Variants in TMEM45B observed in about 807,000 individuals in gnomAD.
The protein encoded by TMEM45B is transmembrane protein 45B.
A neutral mutation model predicts 27.3 loss-of-function variants in TMEM45B; 29 were observed. The ratio of observed to expected loss-of-function variants is 1.06; its 90% CI spans 0.79 to 1.45. TMEM45B has a LOEUF of 1.45. TMEM45B is among the 40% of genes most tolerant of loss of function. The probability of loss-of-function intolerance (pLI) is 0.00; values close to 1 mark genes in which losing one functional copy is unlikely to be tolerated. For missense variants in TMEM45B, 348 were observed against 343.9 expected, an observed-to-expected ratio of 1.01 and a Z score of -0.09; for synonymous variants, 143 against 134.7, an observed-to-expected ratio of 1.06 and a Z score of -0.43.
At chr11:129,838,357 T>C (rs1446516689) in intron 1 of TMEM45B, among the ~76,000 whole-genome samples, 1 of 152,172 alleles carries the variant, frequency 6.6e-6, no homozygotes, top group Non-Finnish European at 1.5e-5. Context: ...CAGTCCCCGT[T>C]GTGAGCCACT....
chr11:129,854,536 T>G, intron 2 of TMEM45B, 74 bp from the exon 3 acceptor site: 5 of 1,487,334 alleles, frequency 3.4e-6, no homozygotes, highest in Admixed American at 3.8e-5. Context: ...GCTCATGCCT[T>G]TGGGTTATTC....
At chr11:129,838,786 G>A (rs1947655542) in intron 1 of TMEM45B, among the ~76,000 whole-genome samples, 1 of 152,126 alleles carries the variant, frequency 6.6e-6, no homozygotes. Context: ...CCAAGCCTAG[G>A]CACTTGAGGA....
chr11:129,831,935 G>T (rs1251074800), intron 1 of TMEM45B, among the ~76,000 whole-genome samples: 1 of 151,904 alleles, frequency 6.6e-6, no homozygotes, highest in Non-Finnish European at 1.5e-5. Flanking sequence ...GCATACTGGC[G>T]GATGCCTGTA....
intron 1 of TMEM45B, among the ~76,000 whole-genome samples, chr11:129,819,526 T>G (rs1249733407): frequency 1.3e-5 from 2 of 152,084 alleles, no homozygotes; most frequent in Non-Finnish European, 2.9e-5. Context: ...TTGTCTTTTC[T>G]TTTCTTTTCT....
At position 129,818,333 on chromosome 11, in the gene TMEM45B, A is replaced by G. The variant is rs540272214; in HGVS notation, c.-9+2435A>G. Among the ~76,000 whole-genome samples the G allele has an allele frequency of 2.0e-5, 3 of 152,370 alleles. No homozygotes were observed. In the East Asian group the frequency reaches 5.8e-4, roughly 29 times the overall value. ...GCCTTCTGTATGTGATGCAGAGTTCAACTGAATATAGCAAGGTACACACCC... is the reference window on the plus strand; with the variant it reads ...GCCTTCTGTATGTGATGCAGAGTTCGACTGAATATAGCAAGGTACACACCC... On this transcript the variant is annotated intron_variant, in intron 1 of 5. Transcript: ENST00000281441.
chr11:129,857,434 C>T lies in TMEM45B; in HGVS notation c.692C>T (p.Ala231Val). 1.9e-6 allele frequency: 3 copies of T among 1,614,152 alleles called. No homozygotes were observed. The highest frequency in any genetic ancestry group is 1.1e-5 in the South Asian group (1 of 91,088). ...TACCTGGCTGCCCTCAGCATTGTGG[C>T]CGTCAACTATTCTCTTGTTTACTGG... ...WHYLAALSIV[A>V]VNYSLVYCLL... The change falls in exon 5 of 6, where the codon GCC becomes GTC. Residue 231 changes from alanine (A) to valine (V), a missense_variant. Physicochemically the swap from Ala to Val is moderately conservative, Grantham distance 64. Transcript: ENST00000281441.
chr11:129,837,585 C>CTTTTTTGTTTTTTTTT (rs1947637207), intron 1 of TMEM45B, among the ~76,000 whole-genome samples: 1 of 80,294 alleles, frequency 1.2e-5, no homozygotes, highest in African/African-American at 4.3e-5. Context: ...CTGCACTGGG[C>CTTTTTTGTTTTTTTTT]TTTTTTTTTT....
In TMEM45B at chr11:129,858,816, G is replaced by A; in HGVS notation, c.*131G>A. On this transcript the variant is annotated 3_prime_UTR_variant, in exon 6 of 6. Coordinates refer to ENST00000281441, the MANE Select transcript of TMEM45B (RefSeq NM_138788.5). Reference sequence around the variant, plus strand: ...TTTGCACCTCCTCATTCAACACAGGGCTGGAGGTTCTACAACAGGAAATCA... The same window carrying A: ...TTTGCACCTCCTCATTCAACACAGGACTGGAGGTTCTACAACAGGAAATCA... The A allele has an allele frequency of 1.6e-6, 1 of 606,198 alleles. No individual in the cohort carries two copies. The highest frequency in any genetic ancestry group is 2.1e-5 in the South Asian group (1 of 46,956). The allele number at this position is 606,198 out of a possible 1,614,324, so 37.6% of individuals were successfully genotyped here.
intron 1 of TMEM45B, among the ~76,000 whole-genome samples, chr11:129,823,677 A>G (rs1027811872): frequency 1.3e-5 from 2 of 152,166 alleles, no homozygotes; most frequent in South Asian, 2.1e-4. Context: ...ATCTGATGGT[A>G]TGGAATAGCT....
intron 1 of TMEM45B, among the ~76,000 whole-genome samples, chr11:129,817,067 G>A (rs1038319054): frequency 2.0e-5 from 3 of 151,976 alleles, no homozygotes; most frequent in Admixed American, 6.5e-5. Flanking sequence ...CTTCTTTCAC[G>A]TTCTCTTCGA....
intron 1 of TMEM45B, among the ~76,000 whole-genome samples, chr11:129,816,284 T>A (rs947442380): frequency 3.3e-5 from 5 of 152,090 alleles, no homozygotes; most frequent in Non-Finnish European, 7.4e-5. Flanking sequence ...CGGGCCTCCG[T>A]CTGCCCGGTG....
chr11:129,850,636 AC>A (rs1437419938), intron 1 of TMEM45B: 2 of 152,206 alleles, frequency 1.3e-5, no homozygotes, highest in Non-Finnish European at 2.9e-5. Flanking sequence ...AACAAGGATA[AC>A]CTTTCTTCTA....
chr11:129,843,239 C>A (rs1294031232), intron 1 of TMEM45B, among the ~76,000 whole-genome samples: 1 of 152,218 alleles, frequency 6.6e-6, no homozygotes, highest in African/African-American at 2.4e-5. Flanking sequence ...GCCACTGTGC[C>A]CAGCCTATTT....
chr11:129,846,317 A>G (rs989704487), intron 1 of TMEM45B, among the ~76,000 whole-genome samples: 3 of 152,086 alleles, frequency 2.0e-5, no homozygotes, highest in Non-Finnish European at 4.4e-5. Flanking sequence ...AAAATACAAA[A>G]ATTAGCCAGG....
intron 1 of TMEM45B, among the ~76,000 whole-genome samples, chr11:129,831,846 T>C (rs766424733): frequency 9.2e-5 from 14 of 151,952 alleles, no homozygotes; most frequent in Non-Finnish European, 1.5e-5. Context: ...GGCAGGCAGA[T>C]CACAAGGTCA....
At chr11:129,850,527 A>C (rs1301852541) in intron 1 of TMEM45B, 2 of 152,110 alleles carry the variant, frequency 1.3e-5, no homozygotes, top group African/African-American at 4.8e-5. Flanking sequence ...TTTGCTTTCT[A>C]TCTCTTCTGC....
Position 129,830,599 on chromosome 11 carries a change from T to C in TMEM45B, c.-9+14701T>C, listed in dbSNP as rs73573523. 4.9e-3 allele frequency among the ~76,000 whole-genome samples: 744 copies of C among 152,286 alleles called. 2 individuals are homozygous for C. The highest frequency in any genetic ancestry group is 0.017 in the African/African-American group (693 of 41,548). On this transcript the variant is annotated intron_variant, in intron 1 of 5. Coordinates refer to ENST00000281441, the MANE Select transcript of TMEM45B (RefSeq NM_138788.5). ...AATAATATATCTGATAAGAAACCTA[T>C]ATCTAGAATAAAGAACTATTACAAC... is the stretch of plus-strand genomic sequence containing the variant.
chr11:129,856,220 GTTGT>G (rs1034319157), intron 4 of TMEM45B, among the ~76,000 whole-genome samples: 6 of 152,076 alleles, frequency 3.9e-5, no homozygotes, highest in Non-Finnish European at 7.4e-5. Flanking sequence ...GTTCTGTTTT[GTTGT>G]TTGTTTTGAG....
chr11:129,856,028 C>T (rs1430972785), intron 4 of TMEM45B, 136 bp downstream of exon 4: 1 of 980,142 alleles, frequency 1.0e-6, no homozygotes, highest in African/African-American at 1.6e-5. Context: ...GTTTAGATGA[C>T]CCTTTTCCCC....
Sources: gnomAD v4.1 joint callset for allele counts (sites outside exome capture counted in the v4.1 genomes callset) on GRCh38, gnomAD v4.1.1 for gene constraint, MANE v1.5 for transcripts, NCBI Gene and HGNC (gene_info 2026-07-23, HGNC 2026-07-21) for gene names.